The following C12orf42 variants were observed in gnomAD, a reference collection of about 807,000 sequenced individuals.
C12orf42 encodes chromosome 12 open reading frame 42.
Under a neutral mutation model 21.6 loss-of-function variants are expected in C12orf42, and 25 were observed. That is an observed-to-expected ratio of 1.16 (90% confidence interval 0.84 to 1.62). The LOEUF is 1.62. Among genes scored for constraint, C12orf42 ranks in the 40% most tolerant of loss-of-function variants. C12orf42 has a pLI of 0.00. For missense variants in C12orf42, 483 were observed against 459.3 expected (o/e 1.05, Z -0.47); for synonymous variants, 174 against 175.0 (o/e 0.99, Z 0.05).
At chr12:103,053,431 A>G in the C12orf42 span, among the ~76,000 whole-genome samples, 1 of 151,902 alleles carries the variant, frequency 6.6e-6, no homozygotes, top group Non-Finnish European at 1.5e-5. Flanking sequence ...TCTTTTGCCT[A>G]TTTTAAAACT....
At chr12:103,460,057 G>T (rs574287354) in intron 2 of C12orf42, among the ~76,000 whole-genome samples, 5 of 152,200 alleles carry the variant, frequency 3.3e-5, no homozygotes, top group Admixed American at 1.3e-4. Context: ...TAACTCCAAG[G>T]GCACAGGACT....
chr12:103,266,964 CTT>C (rs1336145873), downstream of C12orf42, among the ~76,000 whole-genome samples: 1 of 152,136 alleles, frequency 6.6e-6, no homozygotes, highest in Non-Finnish European at 1.5e-5. Context: ...AACAAAAAAA[CTT>C]TGAGTATTAG....
rs1435252910 is a variant in C12orf42 at position 103,435,821 on chromosome 12, C to T, written c.79-34146G>A. 6.6e-5 allele frequency among the ~76,000 whole-genome samples: 10 copies of T among 152,228 alleles called. No homozygotes were observed. The East Asian group carries it at 1.5e-3, about 23-fold the overall frequency. ...GGGAGAATGGAACCAAGTTGGAAAA[C>T]ACTCTGAAGGATATTATCCAGGAGA... is the stretch of plus-strand genomic sequence containing the variant. On this transcript the variant is annotated intron_variant, in intron 2 of 5. Coordinates refer to ENST00000548883, the MANE Select transcript of C12orf42 (RefSeq NM_198521.5).
At chr12:103,456,730 T>C (rs1002009351) in intron 2 of C12orf42, among the ~76,000 whole-genome samples, 2 of 152,182 alleles carry the variant, frequency 1.3e-5, no homozygotes, top group African/African-American at 4.8e-5. Context: ...AGGTTGAGGC[T>C]TATATGTAGA....
intron 1 of C12orf42, among the ~76,000 whole-genome samples, chr12:103,490,830 CAT>C (rs1565906651): frequency 6.6e-6 from 1 of 151,726 alleles, no homozygotes; most frequent in East Asian, 1.9e-4. Flanking sequence ...ATAGAATTCC[CAT>C]ATGATTATTC....
intron 1 of C12orf42, among the ~76,000 whole-genome samples, chr12:103,480,451 G>A (rs929267344): frequency 6.7e-6 from 1 of 150,230 alleles, no homozygotes; most frequent in Non-Finnish European, 1.5e-5. Flanking sequence ...TTTCTCTGTG[G>A]GGGGTGTTTG....
At chr12:103,064,054 G>A in the C12orf42 span, among the ~76,000 whole-genome samples, 28 of 152,190 alleles carry the variant, frequency 1.8e-4, no homozygotes, top group African/African-American at 6.8e-4. Context: ...TTGGTTTACT[G>A]TAGAGAAAAG....
chr12:103,060,597 A>G, the C12orf42 span, among the ~76,000 whole-genome samples: 1 of 152,228 alleles, frequency 6.6e-6, no homozygotes, highest in Non-Finnish European at 1.5e-5. Flanking sequence ...TACAGTAACC[A>G]AAACAGCATG....
the C12orf42 span, among the ~76,000 whole-genome samples, chr12:103,130,199 A>AACT: frequency 1.3e-5 from 2 of 151,802 alleles, no homozygotes; most frequent in Non-Finnish European, 1.5e-5. Context: ...ACAATTCAAT[A>AACT]ACTACTACTA....
the C12orf42 span, among the ~76,000 whole-genome samples, chr12:103,059,028 G>A: frequency 6.6e-6 from 1 of 152,118 alleles, no homozygotes; most frequent in Non-Finnish European, 1.5e-5. Context: ...AAAAATCAGT[G>A]AGTCCAGGAG....
intron 4 of C12orf42, among the ~76,000 whole-genome samples, chr12:103,338,472 G>A (rs2041909006): frequency 6.6e-6 from 1 of 152,230 alleles, no homozygotes; most frequent in Admixed American, 6.5e-5. Context: ...TTGGAGCAGT[G>A]TCTGGCTCTG....
chr12:103,518,712 T>C, the C12orf42 span, among the ~76,000 whole-genome samples: 1 of 152,192 alleles, frequency 6.6e-6, no homozygotes, highest in East Asian at 1.9e-4. Context: ...AAAAACCCTC[T>C]ATGAATTCCA....
chr12:103,208,780 AT>A, the C12orf42 span, among the ~76,000 whole-genome samples: 1 of 152,012 alleles, frequency 6.6e-6, no homozygotes. Context: ...CATTTTTGTT[AT>A]TTTTGCTCAG....
the C12orf42 span, among the ~76,000 whole-genome samples, chr12:103,535,516 C>T: frequency 6.6e-6 from 1 of 151,612 alleles, no homozygotes; most frequent in Non-Finnish European, 1.5e-5. Context: ...TCATGGGAGC[C>T]TTGTGTGCCA....
At chr12:103,444,246 A>C (rs1951438723) in intron 2 of C12orf42, among the ~76,000 whole-genome samples, 1 of 152,090 alleles carries the variant, frequency 6.6e-6, no homozygotes, top group African/African-American at 2.4e-5. Context: ...AATAAAATAC[A>C]TGTAAAGGTC....
intron 3 of C12orf42, chr12:103,396,568 T>G (rs2047552852): frequency 6.6e-6 from 1 of 152,242 alleles, no homozygotes; most frequent in African/African-American, 2.4e-5. Context: ...ACTAAATTTT[T>G]TATCATTGCT....
chr12:103,538,207 C>CA, the C12orf42 span, among the ~76,000 whole-genome samples: 5 of 152,052 alleles, frequency 3.3e-5, no homozygotes, highest in African/African-American at 1.2e-4. Flanking sequence ...GCATTCTTTC[C>CA]AAAAAGAATT....
At chr12:103,134,823 T>C in the C12orf42 span, among the ~76,000 whole-genome samples, 1 of 152,064 alleles carries the variant, frequency 6.6e-6, no homozygotes, top group Non-Finnish European at 1.5e-5. Context: ...AGACAGACTG[T>C]CAAAAGCCAA....
chr12:103,506,316 CA>C, the C12orf42 span: 2 of 130,410 alleles, frequency 1.5e-5, no homozygotes, highest in Admixed American at 1.6e-4. Flanking sequence ...CACCCCCCCA[CA>C]CACACAAAAC....
Sources: gnomAD v4.1 joint callset for allele counts (sites outside exome capture counted in the v4.1 genomes callset) on GRCh38, gnomAD v4.1.1 for gene constraint, MANE v1.5 for transcripts, NCBI Gene and HGNC (gene_info 2026-07-23, HGNC 2026-07-21) for gene names.